The following SMPD3 variants were observed in gnomAD, a reference collection of about 807,000 sequenced individuals.
SMPD3 encodes nSMase-2.
A neutral mutation model predicts 55.7 loss-of-function variants in SMPD3; 21 were observed. The ratio of observed to expected loss-of-function variants is 0.38; its 90% CI spans 0.27 to 0.54. The LOEUF (loss-of-function observed/expected upper bound fraction) is 0.54. Among genes scored for constraint, SMPD3 ranks in the 20% least tolerant of loss-of-function variants. The probability of loss-of-function intolerance (pLI) is 0.80; values close to 1 mark genes in which losing one functional copy is unlikely to be tolerated. For missense variants in SMPD3, 842 were observed against 899.6 expected, an observed-to-expected ratio of 0.94 and a Z score of 0.82; for synonymous variants, 457 against 404.3, an observed-to-expected ratio of 1.13 and a Z score of -1.56.
At chr16:68,425,456 C>T (rs2090428433) in intron 1 of SMPD3, among the ~76,000 whole-genome samples, 1 of 146,552 alleles carries the variant, frequency 6.8e-6, no homozygotes, top group Admixed American at 7.2e-5. Flanking sequence ...GCCCAGCTTC[C>T]TCATCTCTTG....
chr16:68,388,863 C>G (rs1392943324), intron 1 of SMPD3, among the ~76,000 whole-genome samples: 1 of 152,102 alleles, frequency 6.6e-6, no homozygotes, highest in Non-Finnish European at 1.5e-5. Context: ...AATATGCTGT[C>G]CCCCTATCCT....
Position 68,363,530 on chromosome 16 carries a change from C to T in SMPD3, c.1675G>A (p.Asp559Asn), listed in dbSNP as rs745353226. 17 of 1,613,874 alleles carry T rather than the reference C, an allele frequency of 1.1e-5. No individual in the cohort carries two copies. Among genetic ancestry groups the T allele is most frequent in the Non-Finnish European group, 1.4e-5 (16 of 1,180,002 alleles). Residue 559 changes from aspartate (D) to asparagine (N), a missense_variant, in exon 7 of 9, where the codon GAT becomes AAT. Asp to Asn is a conservative substitution (Grantham distance 23). Transcript: ENST00000219334. ...TTGTCGGGGGTGCACACATCCTCATCGTACAGGCCGTTCGTGTCCAGCAGA... is the reference window on the plus strand; with the variant it reads ...TTGTCGGGGGTGCACACATCCTCATTGTACAGGCCGTTCGTGTCCAGCAGA... ...GTLLDTNGLYDEDVCTPDNLQ... is the reference protein window; with the variant it reads ...GTLLDTNGLYNEDVCTPDNLQ...
At chr16:68,399,364 T>C (rs1274455445) in intron 1 of SMPD3, among the ~76,000 whole-genome samples, 1 of 152,170 alleles carries the variant, frequency 6.6e-6, no homozygotes, top group Non-Finnish European at 1.5e-5. Context: ...TGCCCCATGG[T>C]CTGGTGCCCC....
At chr16:68,364,006 A>C (rs1465470) in intron 5 of SMPD3, 140 bp from the exon 6 acceptor site, 1 of 728,700 alleles carries the variant, frequency 1.4e-6, no homozygotes, top group Non-Finnish European at 2.2e-6. Flanking sequence ...GTGGGATCTC[A>C]GTCCCATTCA....
At position 68,365,076 on chromosome 16, in the gene SMPD3, G is replaced by A; in HGVS notation, c.1340C>T (p.Thr447Ile). ...CCCGACGATTCTTTGGTCCTGAGGTGTGCTTCCCACCTGCACCTGGGGGAG... is the reference window on the plus strand; with the variant it reads ...CCCGACGATTCTTTGGTCCTGAGGTATGCTTCCCACCTGCACCTGGGGGAG... ...ALFLKVQVGSTPQDQRIVGYI... is the reference protein window; with the variant it reads ...ALFLKVQVGSIPQDQRIVGYI... The change falls in exon 4 of 9, where the codon ACA becomes ATA. Residue 447 changes from threonine (T) to isoleucine (I), a missense_variant. Around this residue, in one of 2 missense-constraint regions of SMPD3, gnomAD observed 649 missense variants for 643.6 expected, o/e 1.01. Coordinates refer to ENST00000219334, the MANE Select transcript of SMPD3 (RefSeq NM_018667.4). 1 of 1,614,048 alleles carries A rather than the reference G, an allele frequency of 6.2e-7. No individual in the cohort carries two copies. Among genetic ancestry groups the A allele is most frequent in the Non-Finnish European group, 8.5e-7 (1 of 1,179,998 alleles).
chr16:68,405,093 G>A (rs1763204263), intron 1 of SMPD3, among the ~76,000 whole-genome samples: 1 of 152,168 alleles, frequency 6.6e-6, no homozygotes, highest in Non-Finnish European at 1.5e-5. Context: ...GGGACTGCTG[G>A]TAGACACCTA....
At chr16:68,445,981 T>C (rs1312533965) in intron 1 of SMPD3, among the ~76,000 whole-genome samples, 2 of 152,154 alleles carry the variant, frequency 1.3e-5, no homozygotes, top group Non-Finnish European at 2.9e-5. Context: ...ACACCTAGTA[T>C]TTCTGAGACA....
At chr16:68,441,455 A>C (rs1306438271) in intron 1 of SMPD3, among the ~76,000 whole-genome samples, 1 of 152,234 alleles carries the variant, frequency 6.6e-6, no homozygotes, top group Non-Finnish European at 1.5e-5. Flanking sequence ...ATACAATATA[A>C]ATTTTCTAGT....
chr16:68,363,883 G>T lies in SMPD3; in HGVS notation c.1556-17C>A. The T allele has an allele frequency of 6.5e-7, 1 of 1,550,096 alleles. No homozygotes were observed. The highest frequency in any genetic ancestry group is 8.7e-7 in the Non-Finnish European group (1 of 1,146,710). ...GCTTGTCGTCTGTGCGGGGAGGGAGGAAACGCTGAGGCACCAGGGGGCTTT... is the reference window on the plus strand; with the variant it reads ...GCTTGTCGTCTGTGCGGGGAGGGAGTAAACGCTGAGGCACCAGGGGGCTTT... On this transcript the variant is annotated splice_polypyrimidine_tract_variant and intron_variant, in intron 5 of 8. Transcript: ENST00000219334.
chr16:68,390,216 A>G (rs1249359628), intron 1 of SMPD3, among the ~76,000 whole-genome samples: 1 of 152,254 alleles, frequency 6.6e-6, no homozygotes, highest in African/African-American at 2.4e-5. Context: ...TAATTAGCAT[A>G]TAATGAGCAG....
At chr16:68,414,317 A>G (rs2090323168) in intron 1 of SMPD3, among the ~76,000 whole-genome samples, 1 of 152,260 alleles carries the variant, frequency 6.6e-6, no homozygotes, top group Admixed American at 6.5e-5. Flanking sequence ...TTATTAATTC[A>G]GAACTTGGAG....
rs371679269 is a variant in SMPD3, at chr16:68,365,005, C to T, written c.1399+12G>A. On this transcript the variant is annotated intron_variant, in intron 4 of 8. Coordinates refer to ENST00000219334, the MANE Select transcript of SMPD3 (RefSeq NM_018667.4). ...CATGCCTAGAAAAAACACAGGTGGG[C>T]GGCAACCCTACCTTGCGGGGCATGC... 18 of 1,614,036 alleles carry T rather than the reference C, an allele frequency of 1.1e-5. No homozygotes were observed. The highest frequency in any genetic ancestry group is 5.3e-5 in the African/African-American group (4 of 75,030).
intron 1 of SMPD3, among the ~76,000 whole-genome samples, chr16:68,433,716 C>A (rs944425556): frequency 1.3e-5 from 2 of 152,198 alleles, no homozygotes; most frequent in African/African-American, 4.8e-5. Context: ...CCTGGACGAG[C>A]GAAGAAGCCC....
chr16:68,378,372 T>G (rs1481248795), intron 2 of SMPD3, among the ~76,000 whole-genome samples: 1 of 152,128 alleles, frequency 6.6e-6, no homozygotes, highest in Non-Finnish European at 1.5e-5. Context: ...CCTTTCTGAG[T>G]GATGCAGGTT....
rs1177978856 is a variant in SMPD3, at chr16:68,360,236, T to G, written c.*970A>C. 1 of 152,446 alleles carries G rather than the reference T, an allele frequency of 6.6e-6. No individual in the cohort carries two copies. Among genetic ancestry groups the G allele is most frequent in the African/African-American group, 2.4e-5 (1 of 41,440 alleles). The allele number at this position is 152,446 out of a possible 1,614,324, so 9.4% of individuals were successfully genotyped here. ...AGAGGTGTCCCGTGGGGGAGAGGAT[T>G]GGCAGAAAGAAGAGGATGTGTTGGT... On this transcript the variant is annotated 3_prime_UTR_variant, in exon 9 of 9. Transcript: ENST00000219334.
chr16:68,437,514 T>C (rs972493565), intron 1 of SMPD3, among the ~76,000 whole-genome samples: 1 of 152,242 alleles, frequency 6.6e-6, no homozygotes, highest in Admixed American at 6.5e-5. Flanking sequence ...GTCAAAATTG[T>C]TGTGGCCTTG....
intron 2 of SMPD3, among the ~76,000 whole-genome samples, chr16:68,373,852 C>T (rs553167776): frequency 1.6e-4 from 25 of 152,310 alleles, no homozygotes; most frequent in African/African-American, 2.9e-4. Flanking sequence ...CTCCCCTGGA[C>T]GCCCGCCTCT....
In SMPD3 at chr16:68,447,653, G is replaced by A. The variant is rs2090620985; in HGVS notation, c.-269+700C>T. ...CACCCGCGACTCCGAGAAGGATGGGGAGGGGTCTCCCAGCGTTTCCCTGCC... is the reference window on the plus strand; with the variant it reads ...CACCCGCGACTCCGAGAAGGATGGGAAGGGGTCTCCCAGCGTTTCCCTGCC... On this transcript the variant is annotated intron_variant, in intron 1 of 8. Coordinates refer to ENST00000219334, the MANE Select transcript of SMPD3 (RefSeq NM_018667.4). The surrounding 1 kb of genome is among the most constrained non-coding windows in gnomAD (Gnocchi z 5.1). Among the ~76,000 whole-genome samples the A allele has an allele frequency of 6.6e-6, 1 of 152,182 alleles. No homozygotes were observed. The highest frequency in any genetic ancestry group is 2.1e-4 in the South Asian group (1 of 4,836).
At chr16:68,421,972 G>A (rs967487338) in intron 1 of SMPD3, among the ~76,000 whole-genome samples, 1 of 152,304 alleles carries the variant, frequency 6.6e-6, no homozygotes, top group Non-Finnish European at 1.5e-5. Context: ...TAGGCCCAAC[G>A]TAACGACAAG....
Sources: allele counts gnomAD v4.1 joint callset (sites outside exome capture counted in the v4.1 genomes callset), GRCh38; gene constraint gnomAD v4.1.1; regional missense constraint gnomAD v4.1.1; non-coding constraint Gnocchi (gnomAD v3.1); transcripts MANE v1.5; gene names NCBI Gene and HGNC (gene_info 2026-07-23, HGNC 2026-07-21).